LMNTD1: variants seen among roughly 807,000 people sequenced by gnomAD.
LMNTD1 encodes the protein lamin tail domain-containing protein 1.
A neutral mutation model predicts 50.9 loss-of-function variants in LMNTD1; 35 were observed. The ratio of observed to expected loss-of-function variants is 0.69; its 90% CI spans 0.53 to 0.91. LMNTD1 has a LOEUF of 0.91. Ranked by LOEUF, LMNTD1 falls within the 40% of genes least tolerant of loss-of-function variation. The pLI, the probability that LMNTD1 is intolerant of heterozygous loss-of-function variation, is 0.00. For synonymous variants in LMNTD1, 153 were observed against 161.9 expected (o/e 0.94, Z 0.42); for missense variants, 470 against 475.5 (o/e 0.99, Z 0.11).
rs576988671 is a variant in LMNTD1, at chr12:25,576,101, T to G, written c.59-29547A>C. 5.3e-5 allele frequency among the ~76,000 whole-genome samples: 8 copies of G among 152,328 alleles called. No homozygotes were observed. The South Asian group carries it at 6.2e-4, about 12-fold the overall frequency. The stretch of plus-strand genomic sequence containing the variant: ...AATCCAGTCTATCATTGACGGACAT[T>G]TGGGTTGGTTCCAAGTCTTTGCTAT... On this transcript the variant is annotated intron_variant, in intron 1 of 7. Transcript: ENST00000445693.
chr12:25,619,246 C>CTATATA (rs1401057071), intron 1 of LMNTD1, among the ~76,000 whole-genome samples: 1 of 76,214 alleles, frequency 1.3e-5, no homozygotes, highest in African/African-American at 5.2e-5. Flanking sequence ...CTCTCTCTCT[C>CTATATA]TCTCTCTATA....
chr12:25,593,606 A>G (rs1484330735), intron 1 of LMNTD1, among the ~76,000 whole-genome samples: 1 of 152,192 alleles, frequency 6.6e-6, no homozygotes, highest in Non-Finnish European at 1.5e-5. Context: ...CCAAATGAGA[A>G]GGAACCAGAA....
At chr12:25,601,582 A>G (rs1449156679) in intron 1 of LMNTD1, among the ~76,000 whole-genome samples, 1 of 151,916 alleles carries the variant, frequency 6.6e-6, no homozygotes, top group Non-Finnish European at 1.5e-5. Context: ...CCCCACAAAT[A>G]TATGTACCTA....
intron 1 of LMNTD1, among the ~76,000 whole-genome samples, chr12:25,630,204 A>C (rs1250614016): frequency 6.6e-6 from 1 of 152,184 alleles, no homozygotes; most frequent in Admixed American, 6.5e-5. Flanking sequence ...AAAAACAAAT[A>C]ATCAAACAAT....
intron 1 of LMNTD1, among the ~76,000 whole-genome samples, chr12:25,589,883 A>G (rs1274748967): frequency 6.6e-6 from 1 of 152,036 alleles, no homozygotes; most frequent in Non-Finnish European, 1.5e-5. Flanking sequence ...AGAATTATCC[A>G]CCAAGGCTGA....
intron 1 of LMNTD1, among the ~76,000 whole-genome samples, chr12:25,605,557 A>G (rs1255931242): frequency 1.3e-5 from 2 of 152,216 alleles, no homozygotes; most frequent in African/African-American, 4.8e-5. Flanking sequence ...AGCTTTCTAC[A>G]TATGGCCAGC....
intron 1 of LMNTD1, among the ~76,000 whole-genome samples, chr12:25,619,699 C>G (rs1345378632): frequency 1.3e-5 from 2 of 152,200 alleles, no homozygotes; most frequent in African/African-American, 2.4e-5. Context: ...GCTCCGTGGG[C>G]AGGACGGCAG....
chr12:25,603,224 A>G (rs972511167), intron 1 of LMNTD1, among the ~76,000 whole-genome samples: 3 of 152,094 alleles, frequency 2.0e-5, no homozygotes, highest in Non-Finnish European at 2.9e-5. Flanking sequence ...TTAATATTCA[A>G]AATTCTATCA....
chr12:25,581,579 A>G (rs1240616637), intron 1 of LMNTD1, among the ~76,000 whole-genome samples: 2 of 152,232 alleles, frequency 1.3e-5, no homozygotes, highest in African/African-American at 4.8e-5. Context: ...AAATTCTGAC[A>G]TAAAAACTGA....
At chr12:25,484,048 C>G (rs1054170718) in intron 9 of LMNTD1, among the ~76,000 whole-genome samples, 1 of 151,752 alleles carries the variant, frequency 6.6e-6, no homozygotes, top group Non-Finnish European at 1.5e-5. Context: ...GTATTTAAGT[C>G]ACCCGGATAG....
At chr12:25,532,148 G>A (rs546056581) in intron 4 of LMNTD1, among the ~76,000 whole-genome samples, 33 of 152,076 alleles carry the variant, frequency 2.2e-4, no homozygotes, top group African/African-American at 8.0e-4. Context: ...CTTATCTTTT[G>A]TATACGTTGT....
At chr12:25,627,345 C>T (rs540320317) in intron 1 of LMNTD1, among the ~76,000 whole-genome samples, 6 of 152,184 alleles carry the variant, frequency 3.9e-5, no homozygotes, top group African/African-American at 1.4e-4. Flanking sequence ...AAACTCTAAG[C>T]GCAGACATTG....
intron 4 of LMNTD1, among the ~76,000 whole-genome samples, chr12:25,540,863 G>T: frequency 7.8e-6 from 1 of 127,794 alleles, no homozygotes; most frequent in Admixed American, 8.5e-5. Context: ...AAGCTGATAA[G>T]CAACTTCAGC....
chr12:25,513,580 G>T (rs1231059947), intron 8 of LMNTD1, among the ~76,000 whole-genome samples: 2 of 152,222 alleles, frequency 1.3e-5, no homozygotes, highest in African/African-American at 4.8e-5. Flanking sequence ...AAGTTGCAGT[G>T]AGCTGATACC....
intron 1 of LMNTD1, among the ~76,000 whole-genome samples, chr12:25,563,743 G>C (rs987487738): frequency 6.6e-6 from 1 of 152,208 alleles, no homozygotes; most frequent in Non-Finnish European, 1.5e-5. Flanking sequence ...GCCCCCAGGG[G>C]TGTACTCTAC....
chr12:25,549,733 A>T (rs2619483), intron 2 of LMNTD1, among the ~76,000 whole-genome samples, 187 bp from the exon 3 acceptor site: 119,071 of 152,014 alleles, frequency 0.78, 47,243 homozygotes, highest in East Asian at 0.9. Context: ...TATTATCAAT[A>T]TGTTGTATGC....
At chr12:25,618,864 T>C (rs1447072340) in intron 1 of LMNTD1, among the ~76,000 whole-genome samples, 1 of 152,220 alleles carries the variant, frequency 6.6e-6, no homozygotes, top group Non-Finnish European at 1.5e-5. Flanking sequence ...GCCTTATCCA[T>C]GGTACATGGC....
At chr12:25,634,071 A>G (rs1946773304) in intron 1 of LMNTD1, among the ~76,000 whole-genome samples, 2 of 152,224 alleles carry the variant, frequency 1.3e-5, no homozygotes, top group South Asian at 4.1e-4. Flanking sequence ...CACATAAACT[A>G]GAACACCCAG....
At position 25,549,497 on chromosome 12, in the gene LMNTD1, T is replaced by C. The variant is rs776774487; in HGVS notation, c.139A>G (p.Met47Val). 6.2e-7 allele frequency: 1 copy of C among 1,613,106 alleles called. No homozygotes were observed. Among genetic ancestry groups the C allele is most frequent in the Admixed American group, 1.7e-5 (1 of 59,978 alleles). Residue 47 changes from methionine to valine, a missense_variant, in exon 3 of 10, where the codon ATG becomes GTG. Transcript: ENST00000458174. ...AGTGTTGTGGCAACTGAACCCAACA[T>C]CTTTGGGGAAAAATGTACTAAAGAA... ...VYSLVHFSPKMLGSVATTLPL... is the reference protein window; with the variant it reads ...VYSLVHFSPKVLGSVATTLPL...
Sources: gnomAD v4.1 joint callset for allele counts (sites outside exome capture counted in the v4.1 genomes callset) on GRCh38, gnomAD v4.1.1 for gene constraint, MANE v1.5 for transcripts, NCBI Gene and HGNC (gene_info 2026-07-23, HGNC 2026-07-21) for gene names.